The following PUDP variants were observed in gnomAD, a reference collection of about 807,000 sequenced individuals.
PUDP encodes pseudouridine-5'-phosphatase.
PUDP carries 8 observed loss-of-function variants against 9.4 expected under a neutral mutation model. The observed-to-expected ratio is 0.85, with a 90% confidence interval of 0.50 to 1.53. The LOEUF (loss-of-function observed/expected upper bound fraction) is 1.53, where lower values mean the gene tolerates loss of function less well. Ranked by LOEUF, PUDP falls within the 40% of genes most tolerant of loss-of-function variation. The probability of loss-of-function intolerance (pLI) is 0.00; values close to 1 mark genes in which losing one functional copy is unlikely to be tolerated. For missense variants in PUDP, 188 were observed against 189.7 expected (o/e 0.99, Z 0.05); for synonymous variants, 99 against 80.7 (o/e 1.23, Z -1.22).
intron 1 of PUDP, among the ~76,000 whole-genome samples, chrX:7,134,021 T>G (rs1248628357): frequency 1.8e-5 from 2 of 111,900 alleles, no homozygotes; most frequent in Non-Finnish European, 3.8e-5. Flanking sequence ...TTTAATCTGA[T>G]TATATTTTGG....
chrX:6,902,749 G>T (rs756044518), intron 3 of PUDP, among the ~76,000 whole-genome samples: 102 of 111,484 alleles, frequency 9.1e-4, no homozygotes, highest in African/African-American at 3.3e-3. Flanking sequence ...CAATCTCCTG[G>T]TGAGAGAGAG....
At chrX:7,083,864 G>A (rs1931182981) in intron 2 of PUDP, among the ~76,000 whole-genome samples, 1 of 105,800 alleles carries the variant, frequency 9.5e-6, no homozygotes, top group South Asian at 4.4e-4. Context: ...TCACACCACT[G>A]CACTCGACAG....
At chrX:6,933,636 G>T (rs911305073) in intron 3 of PUDP, among the ~76,000 whole-genome samples, 2 of 112,326 alleles carry the variant, frequency 1.8e-5, no homozygotes, top group Non-Finnish European at 3.8e-5. Context: ...GATGGAGAAT[G>T]ACTTTGACGA....
chrX:6,836,402 T>C (rs1411205166), intron 3 of PUDP, among the ~76,000 whole-genome samples: 1 of 112,203 alleles, frequency 8.9e-6, no homozygotes, highest in Non-Finnish European at 1.9e-5. Flanking sequence ...GTCAGGGTTG[T>C]GTTTCTTCTA....
intron 3 of PUDP, among the ~76,000 whole-genome samples, chrX:6,803,935 C>T (rs762014201): frequency 2.8e-5 from 3 of 108,979 alleles, no homozygotes; most frequent in Non-Finnish European, 3.8e-5. Context: ...TATTCCTAGG[C>T]CAACATATGG....
chrX:6,999,961 T>C (rs1224341674), intron 1 of PUDP, among the ~76,000 whole-genome samples: 1 of 110,497 alleles, frequency 9.1e-6, no homozygotes, highest in Non-Finnish European at 1.9e-5. Flanking sequence ...AATGTAGAGA[T>C]TCGAGGTGAA....
At chrX:6,866,311 T>C (rs1187678164) in intron 3 of PUDP, among the ~76,000 whole-genome samples, 4 of 109,557 alleles carry the variant, frequency 3.7e-5, no homozygotes, top group Non-Finnish European at 7.6e-5. Context: ...TAGTATACGG[T>C]TGTTAAATTT....
At chrX:6,953,114 A>T (rs1473069259) in intron 3 of PUDP, among the ~76,000 whole-genome samples, 1 of 111,785 alleles carries the variant, frequency 8.9e-6, no homozygotes, top group Non-Finnish European at 1.9e-5. Flanking sequence ...CCTGGTAAAG[A>T]CAGTGTCTGT....
chrX:7,088,761 T>C (rs1236029010), intron 2 of PUDP, among the ~76,000 whole-genome samples: 9 of 112,237 alleles, frequency 8.0e-5, no homozygotes, highest in Non-Finnish European at 1.7e-4. Flanking sequence ...ATCCCTTTTT[T>C]AAATCCCTTG....
intron 1 of PUDP, among the ~76,000 whole-genome samples, chrX:6,999,835 T>A (rs1415943909): frequency 9.4e-6 from 1 of 105,839 alleles, no homozygotes; most frequent in Non-Finnish European, 2.0e-5. Flanking sequence ...CCCTCAACGG[T>A]CAAAAAAGAA....
upstream of PUDP, among the ~76,000 whole-genome samples, chrX:6,723,993 G>A (rs766879341): frequency 1.3e-4 from 14 of 111,412 alleles, no homozygotes; most frequent in African/African-American, 3.9e-4. Flanking sequence ...AGCAAAATAT[G>A]TCGATGGCAG....
At chrX:7,045,018 C>G (rs1236424555), downstream of PUDP, among the ~76,000 whole-genome samples, 1 of 112,094 alleles carries the variant, frequency 8.9e-6, no homozygotes, top group African/African-American at 3.2e-5. Flanking sequence ...TGTGGTTTCG[C>G]TCTGTGTCCC....
chrX:7,044,464 A>G (rs1929960317), downstream of PUDP, among the ~76,000 whole-genome samples: 1 of 112,623 alleles, frequency 8.9e-6, no homozygotes, highest in African/African-American at 3.2e-5. Context: ...CAAGAAAAGT[A>G]TTTCTTTCCC....
intron 3 of PUDP, among the ~76,000 whole-genome samples, chrX:6,893,476 T>A (rs781447760): frequency 8.9e-6 from 1 of 112,004 alleles, no homozygotes; most frequent in East Asian, 2.8e-4. Flanking sequence ...CAAAGCCTGA[T>A]ACAATTAGTC....
chrX:6,751,824 C>T (rs1303812355), intron 3 of PUDP, among the ~76,000 whole-genome samples: 2 of 111,119 alleles, frequency 1.8e-5, no homozygotes, highest in Non-Finnish European at 3.8e-5. Context: ...TAGCCGAGCA[C>T]TCAAGCAGAA....
chrX:6,963,310 C>A (rs1928734587), intron 3 of PUDP, among the ~76,000 whole-genome samples: 1 of 111,144 alleles, frequency 9.0e-6, no homozygotes, highest in Non-Finnish European at 1.9e-5. Flanking sequence ...GAAAGGGAGG[C>A]TGGAAATGGG....
chrX:6,733,155 C>T (rs975884744), intron 3 of PUDP, among the ~76,000 whole-genome samples: 49 of 112,034 alleles, frequency 4.4e-4, no homozygotes, highest in African/African-American at 1.4e-3. Context: ...GGAAAAGGAA[C>T]AGGAATGCTG....
At chrX:6,999,666 C>T (rs930769319) in intron 1 of PUDP, among the ~76,000 whole-genome samples, 6 of 110,401 alleles carry the variant, frequency 5.4e-5, no homozygotes, top group African/African-American at 2.0e-4. Context: ...AGGGGCTGCA[C>T]TTCAAATAGG....
At chrX:7,086,326 A>G (rs1488861414) in intron 2 of PUDP, among the ~76,000 whole-genome samples, 2 of 112,816 alleles carry the variant, frequency 1.8e-5, no homozygotes, top group African/African-American at 3.2e-5. Flanking sequence ...ACATTCATAT[A>G]TATAGTTTTA....
Sources: allele counts gnomAD v4.1 joint callset (sites outside exome capture counted in the v4.1 genomes callset), GRCh38; gene constraint gnomAD v4.1.1; transcripts MANE v1.5; gene names NCBI Gene and HGNC (gene_info 2026-07-23, HGNC 2026-07-21).